CLDN1: variants seen among roughly 807,000 people sequenced by gnomAD.
CLDN1 encodes claudin 1, also known as claudin-1.
Under a neutral mutation model 22.6 loss-of-function variants are expected in CLDN1, and 12 were observed. The ratio of observed to expected loss-of-function variants is 0.53; its 90% CI spans 0.34 to 0.86. The LOEUF (loss-of-function observed/expected upper bound fraction) is 0.86. Among genes scored for constraint, CLDN1 ranks in the 40% least tolerant of loss-of-function variants. The probability of loss-of-function intolerance (pLI) is 0.02; values close to 1 mark genes in which losing one functional copy is unlikely to be tolerated. For missense variants in CLDN1, 250 were observed against 269.5 expected, an observed-to-expected ratio of 0.93 and a Z score of 0.51; for synonymous variants, 99 against 103.8, an observed-to-expected ratio of 0.95 and a Z score of 0.28.
chr3:190,320,847 A>T (rs982539990), intron 1 of CLDN1, among the ~76,000 whole-genome samples: 1 of 152,174 alleles, frequency 6.6e-6, no homozygotes, highest in Non-Finnish European at 1.5e-5. Flanking sequence ...CAGACACATG[A>T]TATAAGACAA....
At chr3:190,316,973 T>G (rs1259092674) in intron 1 of CLDN1, among the ~76,000 whole-genome samples, 2 of 152,202 alleles carry the variant, frequency 1.3e-5, no homozygotes, top group Admixed American at 6.5e-5. Context: ...TATTTTGATC[T>G]ATTTTTTAAA....
intron 2 of CLDN1, among the ~76,000 whole-genome samples, chr3:190,311,112 C>T (rs1469741678): frequency 1.3e-5 from 2 of 152,156 alleles, no homozygotes; most frequent in East Asian, 1.9e-4. Flanking sequence ...AACACTATTG[C>T]TTTTGGCTTC....
chr3:190,309,572 A>T (rs1716556326), intron 3 of CLDN1, among the ~76,000 whole-genome samples: 1 of 152,236 alleles, frequency 6.6e-6, no homozygotes, highest in Non-Finnish European at 1.5e-5. Context: ...GAATGTTGTT[A>T]CACGAGAGCT....
At chr3:190,321,372 T>A (rs1222182361) in intron 1 of CLDN1, among the ~76,000 whole-genome samples, 1 of 152,136 alleles carries the variant, frequency 6.6e-6, no homozygotes, top group African/African-American at 2.4e-5. Flanking sequence ...TCAAGCAGCT[T>A]CTCCAAAGAG....
chr3:190,314,334 G>C (rs544854268), intron 1 of CLDN1, among the ~76,000 whole-genome samples: 2 of 152,106 alleles, frequency 1.3e-5, no homozygotes, highest in African/African-American at 4.8e-5. Context: ...ATTAAATCTT[G>C]ATTTACTGAT....
intron 2 of CLDN1, among the ~76,000 whole-genome samples, chr3:190,310,743 A>G (rs989198879): frequency 6.6e-6 from 1 of 152,180 alleles, no homozygotes; most frequent in African/African-American, 2.4e-5. Context: ...GACATGTCTC[A>G]GAATGGACCA....
In CLDN1 at chr3:190,305,718, TAAA is replaced by T. The variant is rs1386055366; in HGVS notation, c.*2556_*2558del. ...CAAGCCAATAATCCTTTTTTTAAATTAAAAAACAATTTATTGAAAAAGAGTAAT... is the reference window on the plus strand; with the variant it reads ...CAAGCCAATAATCCTTTTTTTAAATTAAACAATTTATTGAAAAAGAGTAAT... On this transcript the variant is annotated 3_prime_UTR_variant, in exon 4 of 4. Transcript: ENST00000295522. The T allele has an allele frequency of 2.6e-5, 4 of 152,126 alleles. No individual in the cohort carries two copies. Among genetic ancestry groups the T allele is most frequent in the African/African-American group, 9.7e-5 (4 of 41,422 alleles). The allele number at this position is 152,126 out of a possible 1,614,324, so 9.4% of individuals were successfully genotyped here.
In CLDN1 at chr3:190,312,805, C is replaced by T. The variant is rs375554132; in HGVS notation, c.388+67G>A. On this transcript the variant is annotated intron_variant, in intron 2 of 3. Coordinates refer to ENST00000295522, the MANE Select transcript of CLDN1 (RefSeq NM_021101.5). ...CTGAAATCAAGTATAATGAATCCAACGTAATAGATTTCAAATCATACCAGG... is the reference window on the plus strand; with the variant it reads ...CTGAAATCAAGTATAATGAATCCAATGTAATAGATTTCAAATCATACCAGG... 40 of 1,552,556 alleles carry T rather than the reference C, an allele frequency of 2.6e-5. 1 individual carries two copies. Among genetic ancestry groups the T allele is most frequent in the East Asian group, 1.3e-4 (6 of 44,604 alleles).
Position 190,322,088 on chromosome 3 carries a change from A to G in CLDN1, c.119T>C (p.Ile40Thr). The change falls in exon 1 of 4, where the codon ATC becomes ACC. Residue 40 changes from isoleucine (I) to threonine (T), a missense_variant. By Grantham distance (89) the Ile-to-Thr change is moderately conservative. Coordinates refer to ENST00000295522, the MANE Select transcript of CLDN1 (RefSeq NM_021101.5). Reference protein sequence around the residue: ...WRIYSYAGDNIVTAQAMYEGL... With the variant: ...WRIYSYAGDNTVTAQAMYEGL... ...CTCGTACATGGCCTGGGCGGTCACG[A>G]TGTTGTCGCCGGCATAGGAGTAAAT... 6.2e-7 allele frequency: 1 copy of G among 1,614,122 alleles called. No individual in the cohort carries two copies. The highest frequency in any genetic ancestry group is 8.5e-7 in the Non-Finnish European group (1 of 1,180,026).
chr3:190,315,844 T>C (rs1577390536), intron 1 of CLDN1, among the ~76,000 whole-genome samples: 1 of 152,290 alleles, frequency 6.6e-6, no homozygotes, highest in African/African-American at 2.4e-5. Context: ...GAAGTCTAAC[T>C]GGGCATCAAT....
chr3:190,320,358 G>A (rs370332402), intron 1 of CLDN1, among the ~76,000 whole-genome samples: 7 of 152,108 alleles, frequency 4.6e-5, no homozygotes, highest in South Asian at 2.1e-4. Flanking sequence ...ATTCCTTAAC[G>A]TGGTACCTAA....
chr3:190,322,305 G>A lies in CLDN1; in HGVS notation c.-99C>T. ...GGACTCCCGAAGGTGGCTGGGCCCCGCGGAGGAAGTTAAGGCGGGGAGCCC... is the reference window on the plus strand; with the variant it reads ...GGACTCCCGAAGGTGGCTGGGCCCCACGGAGGAAGTTAAGGCGGGGAGCCC... On this transcript the variant is annotated 5_prime_UTR_variant, in exon 1 of 4. Coordinates refer to ENST00000295522, the MANE Select transcript of CLDN1 (RefSeq NM_021101.5). The A allele has an allele frequency of 1.8e-6, 2 of 1,099,902 alleles. No homozygotes were observed. The highest frequency in any genetic ancestry group is 2.6e-5 in the South Asian group (2 of 76,566). 68.1% of individuals were successfully genotyped at this position (1,099,902 alleles called of 1,614,324 possible). A position where few individuals can be genotyped will look rare whatever the true frequency, so the allele number is the denominator to read the frequency against.
At chr3:190,311,980 T>C (rs1716633798) in intron 2 of CLDN1, among the ~76,000 whole-genome samples, 1 of 151,024 alleles carries the variant, frequency 6.6e-6, no homozygotes, top group Non-Finnish European at 1.5e-5. Context: ...TTAGACAGTC[T>C]TCTGTTGCTT....
intron 1 of CLDN1, among the ~76,000 whole-genome samples, chr3:190,320,188 T>C (rs910646938): frequency 5.9e-5 from 9 of 152,210 alleles, no homozygotes; most frequent in Admixed American, 5.2e-4. Context: ...GATGATCCAT[T>C]TGAGTATTTA....
At chr3:190,312,751 A>G in intron 2 of CLDN1, 121 bp downstream of exon 2, 1 of 1,068,294 alleles carries the variant, frequency 9.4e-7, no homozygotes. Context: ...ACTGGACTTC[A>G]GGTCTATGTT....
intron 1 of CLDN1, among the ~76,000 whole-genome samples, chr3:190,318,547 G>A (rs1408080976): frequency 6.6e-6 from 1 of 151,922 alleles, no homozygotes; most frequent in East Asian, 1.9e-4. Flanking sequence ...TTATAAGTGG[G>A]GTAACTACTT....
chr3:190,309,038 A>G (rs1038722992), intron 3 of CLDN1, among the ~76,000 whole-genome samples: 4 of 152,142 alleles, frequency 2.6e-5, no homozygotes, highest in Admixed American at 1.3e-4. Context: ...AATACGGAAG[A>G]GTAGAGAAGG....
rs761824021 is a variant in CLDN1 at position 190,306,849 on chromosome 3, G to GT, written c.*1427dup. ...GAGCCACATGAAGGTATGTGCGTAG[G>GT]TTTTGTTCAGTGGAAATAGACTGGT... On this transcript the variant is annotated 3_prime_UTR_variant, in exon 4 of 4. Transcript: ENST00000295522. 55 of 152,658 alleles carry GT rather than the reference G, an allele frequency of 3.6e-4. No homozygotes were observed. Among genetic ancestry groups the GT allele is most frequent in the Non-Finnish European group, 5.9e-4 (40 of 68,124 alleles). 9.5% of individuals were successfully genotyped at this position (152,658 alleles called of 1,614,324 possible). A position where few individuals can be genotyped will look rare whatever the true frequency, so the allele number is the denominator to read the frequency against.
At chr3:190,310,017 G>T in intron 3 of CLDN1, 152 bp downstream of exon 3, 1 of 696,398 alleles carries the variant, frequency 1.4e-6, no homozygotes, top group South Asian at 1.6e-5. Context: ...AACTCATTTT[G>T]ACATAAGTCA....
Sources: gnomAD v4.1 joint callset for allele counts (sites outside exome capture counted in the v4.1 genomes callset) on GRCh38, gnomAD v4.1.1 for gene constraint, MANE v1.5 for transcripts, NCBI Gene and HGNC (gene_info 2026-07-23, HGNC 2026-07-21) for gene names.